MTRR: variants seen among roughly 807,000 people sequenced by gnomAD.
MTRR encodes the protein 5-methyltetrahydrofolate-homocysteine methyltransferase reductase.
In MTRR, 63 loss-of-function variants were observed where a neutral mutation model predicts 79.2. The ratio of observed to expected loss-of-function variants is 0.80; its 90% CI spans 0.65 to 0.98. MTRR has a LOEUF of 0.98. Among genes scored for constraint, MTRR ranks in the 50% least tolerant of loss-of-function variants. The pLI is 0.00. For missense variants in MTRR, 895 were observed against 839.6 expected, an observed-to-expected ratio of 1.07 and a Z score of -0.82; for synonymous variants, 355 against 313.3, an observed-to-expected ratio of 1.13 and a Z score of -1.41.
Position 7,873,537 on chromosome 5 carries a change from C to G in MTRR, c.283+11C>G, listed in dbSNP as rs1220585942. The stretch of plus-strand genomic sequence containing the variant: ...GGTATGGGTTACTGGGTAATGGACT[C>G]TCTCTTCTGATCTTACTATAGTATA... On this transcript the variant is annotated intron_variant, in intron 3 of 14. Coordinates refer to ENST00000440940, the MANE Select transcript of MTRR (RefSeq NM_002454.3). 1.2e-6 allele frequency: 2 copies of G among 1,613,874 alleles called. No homozygotes were observed. Among genetic ancestry groups the G allele is most frequent in the South Asian group, 1.1e-5 (1 of 91,066 alleles).
At chr5:7,869,031 TG>T, upstream of MTRR, 1 of 1,390,932 alleles carries the variant, frequency 7.2e-7, no homozygotes, top group Non-Finnish European at 1.0e-6. Context: ...CTGGGCGTCG[TG>T]GGCCTCCGTA....
intron 12 of MTRR, 162 bp from the exon 13 acceptor site, chr5:7,896,702 C>A: frequency 1.5e-6 from 1 of 671,128 alleles, no homozygotes; most frequent in Non-Finnish European, 2.7e-6. Context: ...GTGGCCATGA[C>A]AGCCTGTGGA....
chr5:7,867,578 T>C, upstream of MTRR: 4 of 1,614,258 alleles, frequency 2.5e-6, no homozygotes, highest in Non-Finnish European at 3.4e-6. Flanking sequence ...CTGTGAGGGC[T>C]CCTTTTCAAA....
chr5:7,891,050 G>A (rs934542582), intron 9 of MTRR, among the ~76,000 whole-genome samples: 1 of 152,082 alleles, frequency 6.6e-6, no homozygotes, highest in Non-Finnish European at 1.5e-5. Context: ...CCTAGTAAGG[G>A]TTTGCTGAGC....
upstream of MTRR, chr5:7,867,320 T>C (rs1747042716): frequency 6.2e-7 from 1 of 1,613,972 alleles, no homozygotes; most frequent in Middle Eastern, 1.6e-4. Context: ...GGCCACAATA[T>C]CCTCCGGGGT....
chr5:7,871,015 A>G, intron 2 of MTRR, 92 bp downstream of exon 2: 1 of 1,401,732 alleles, frequency 7.1e-7, no homozygotes, highest in Admixed American at 1.7e-5. Flanking sequence ...CACTAATACC[A>G]CCACATAGTC....
At chr5:7,899,845 T>G (rs1231582017) in intron 14 of MTRR, 69 bp from the exon 15 acceptor site, 2 of 1,579,144 alleles carry the variant, frequency 1.3e-6, no homozygotes, top group Non-Finnish European at 1.7e-6. Context: ...GGAATTAGAC[T>G]TGTGAATTAA....
Position 7,870,932 on chromosome 5 carries a change from C to T in MTRR, c.129+9C>T, listed in dbSNP as rs527869420. On this transcript the variant is annotated intron_variant, in intron 2 of 14. Coordinates refer to ENST00000440940, the MANE Select transcript of MTRR (RefSeq NM_002454.3). ...TTAGTGAATCCGATAAGGTTAGAGCCGTTACAGTGGATTTTACCGTTTTGT... is the reference window on the plus strand; with the variant it reads ...TTAGTGAATCCGATAAGGTTAGAGCTGTTACAGTGGATTTTACCGTTTTGT... 5 of 1,614,104 alleles carry T rather than the reference C, an allele frequency of 3.1e-6. No homozygotes were observed. Among genetic ancestry groups the T allele is most frequent in the African/African-American group, 2.7e-5 (2 of 75,052 alleles).
intron 6 of MTRR, 72 bp from the exon 7 acceptor site, chr5:7,885,623 ATATTTT>A (rs1736281865): frequency 7.4e-7 from 1 of 1,351,868 alleles, no homozygotes. Context: ...ATTGAAAACT[ATATTTT>A]TGTTACCCTA....
At chr5:7,886,446 A>G in intron 7 of MTRR, 169 bp from the exon 8 acceptor site, 1 of 618,198 alleles carries the variant, frequency 1.6e-6, no homozygotes. Flanking sequence ...GGAGTTTTTT[A>G]CTGTATTCAT....
chr5:7,861,636 T>G, intron 1 of MTRR: 1 of 1,608,836 alleles, frequency 6.2e-7, no homozygotes, highest in Non-Finnish European at 8.5e-7. Context: ...CTTCTTCATC[T>G]AATTTAATTT....
At chr5:7,878,646 A>G (rs192515813) in intron 5 of MTRR, among the ~76,000 whole-genome samples, 24 of 152,374 alleles carry the variant, frequency 1.6e-4, no homozygotes, top group Non-Finnish European at 4.4e-5. Context: ...TTACTTCTGT[A>G]TTTGAAGAAG....
Position 7,900,223 on chromosome 5 carries a change from T to C in MTRR, c.*165T>C, listed in dbSNP as rs1739265507. 1.3e-6 allele frequency: 1 copy of C among 791,498 alleles called. No homozygotes were observed. The highest frequency in any genetic ancestry group is 1.9e-5 in the South Asian group (1 of 53,658). The allele number at this position is 791,498 out of a possible 1,614,324, so 49.0% of individuals were successfully genotyped here. On this transcript the variant is annotated 3_prime_UTR_variant, in exon 15 of 15. Transcript: ENST00000440940. ...CATTTAACAATATAACAAAACTTCCTGATTTGATTTTACGTATCTTCTATC... is the reference window on the plus strand; with the variant it reads ...CATTTAACAATATAACAAAACTTCCCGATTTGATTTTACGTATCTTCTATC...
chr5:7,874,273 A>G (rs1052508809), intron 3 of MTRR, among the ~76,000 whole-genome samples: 22 of 152,332 alleles, frequency 1.4e-4, no homozygotes, highest in East Asian at 5.8e-4. Context: ...TGGAGAGGGT[A>G]TCTAGCAAGG....
rs758448829 is a variant in MTRR, at chr5:7,873,483, A to C, written c.240A>C (p.Thr80=). 3.7e-6 allele frequency: 6 copies of C among 1,614,176 alleles called. No homozygotes were observed. In the South Asian group the frequency reaches 6.6e-5, roughly 18 times the overall value. Residue 80 remains threonine (T), a synonymous_variant, in exon 3 of 15, where the codon ACA becomes ACC. Transcript: ENST00000440940. The part of the protein sequence containing the change: ...RKFVKEIQNQ[T]LPVDFFAHLR... ...TTGTTAAGGAAATACAGAACCAAAC[A>C]CTGCCGGTTGATTTCTTTGCTCACC...
chr5:7,891,504 C>G, intron 10 of MTRR, 90 bp downstream of exon 10: 3 of 1,109,338 alleles, frequency 2.7e-6, no homozygotes, highest in Non-Finnish European at 4.1e-6. Flanking sequence ...CTAATTTATT[C>G]AGTGAAAACT....
At chr5:7,890,034 T>C (rs1230660973) in intron 9 of MTRR, among the ~76,000 whole-genome samples, 1 of 152,194 alleles carries the variant, frequency 6.6e-6, no homozygotes, top group African/African-American at 2.4e-5. Flanking sequence ...CTAAGCGCTT[T>C]ATAGGACTTC....
At chr5:7,889,458 T>C (rs998242346) in intron 9 of MTRR, among the ~76,000 whole-genome samples, 183 bp downstream of exon 9, 1 of 152,224 alleles carries the variant, frequency 6.6e-6, no homozygotes, top group Non-Finnish European at 1.5e-5. Context: ...TTCAGGGTGC[T>C]GTGACATCTG....
Position 7,895,842 on chromosome 5 carries a change from C to T in MTRR, c.1666C>T (p.Leu556=), listed in dbSNP as rs762466500. The change falls in exon 12 of 15, where the codon CTA becomes TTA. Residue 556 remains leucine, a synonymous_variant. Transcript: ENST00000440940. ...CGGCATAGCCCCGTTTATTGGGTTC[C>T]TACAACATAGGTATGTTCTTTTTTT... ...GTGIAPFIGF[L]QHREKLQEQH... 7.4e-6 allele frequency: 12 copies of T among 1,614,084 alleles called. No homozygotes were observed. The highest frequency in any genetic ancestry group is 1.1e-5 in the South Asian group (1 of 91,070).
Sources: gnomAD v4.1 joint callset for allele counts (sites outside exome capture counted in the v4.1 genomes callset) on GRCh38, gnomAD v4.1.1 for gene constraint, MANE v1.5 for transcripts, NCBI Gene and HGNC (gene_info 2026-07-23, HGNC 2026-07-21) for gene names.